ZNF804A: variants seen among roughly 807,000 people sequenced by gnomAD.
ZNF804A encodes zinc finger protein 804A.
In ZNF804A, 2 loss-of-function variants were observed where a neutral mutation model predicts 16.5. The observed-to-expected ratio is 0.12, with a 90% CI of 0.05 to 0.38. The LOEUF (loss-of-function observed/expected upper bound fraction) is 0.38, where lower values mean the gene tolerates loss of function less well. Ranked by LOEUF, ZNF804A falls within the 10% of genes least tolerant of loss-of-function variation. The pLI, the probability that ZNF804A is intolerant of heterozygous loss-of-function variation, is 0.99. For synonymous variants in ZNF804A, 534 were observed against 489.6 expected (o/e 1.09, Z -1.20); for missense variants, 1,473 against 1,390.7 (o/e 1.06, Z -0.94).
chr2:184,651,533 A>G (rs1327730922), intron 1 of ZNF804A, among the ~76,000 whole-genome samples: 20 of 152,122 alleles, frequency 1.3e-4, no homozygotes, highest in Non-Finnish European at 1.5e-5. Context: ...ATATTCACAA[A>G]CTACACATCT....
chr2:184,801,284 A>C (rs1383078574), intron 1 of ZNF804A, among the ~76,000 whole-genome samples: 1 of 151,944 alleles, frequency 6.6e-6, no homozygotes, highest in Non-Finnish European at 1.5e-5. Context: ...AAGTTTTGCT[A>C]TTTATCCTGC....
At chr2:184,865,476 GA>G (rs1245221023) in intron 1 of ZNF804A, among the ~76,000 whole-genome samples, 2 of 152,190 alleles carry the variant, frequency 1.3e-5, no homozygotes, top group East Asian at 1.9e-4. Flanking sequence ...CATGTGGCGA[GA>G]GGGGGCAAGA....
chr2:184,670,825 A>G (rs1242431394), intron 1 of ZNF804A, among the ~76,000 whole-genome samples: 2 of 151,858 alleles, frequency 1.3e-5, no homozygotes, highest in Admixed American at 6.6e-5. Context: ...GGATTTTAGT[A>G]TATTTGTTAT....
intron 2 of ZNF804A, among the ~76,000 whole-genome samples, chr2:184,892,369 T>C (rs1164769391): frequency 6.6e-6 from 1 of 152,032 alleles, no homozygotes; most frequent in Non-Finnish European, 1.5e-5. Context: ...TGTGCATTTT[T>C]TGGGTTGTTG....
At chr2:184,804,717 A>G (rs1694777006) in intron 1 of ZNF804A, among the ~76,000 whole-genome samples, 1 of 152,216 alleles carries the variant, frequency 6.6e-6, no homozygotes, top group Non-Finnish European at 1.5e-5. Context: ...AAAAGCAAAG[A>G]AGGGTGAGTA....
intron 1 of ZNF804A, among the ~76,000 whole-genome samples, chr2:184,782,621 C>T (rs1295461101): frequency 6.7e-6 from 1 of 150,238 alleles, no homozygotes; most frequent in Admixed American, 6.7e-5. Flanking sequence ...ATTGTGGGAC[C>T]TTGTGATTGT....
intron 2 of ZNF804A, among the ~76,000 whole-genome samples, chr2:184,916,221 A>G (rs1345927945): frequency 6.6e-6 from 1 of 152,210 alleles, no homozygotes; most frequent in East Asian, 1.9e-4. Context: ...GTAATAGTGG[A>G]TAATATATTA....
chr2:184,706,042 CT>C (rs1693026004), intron 1 of ZNF804A, among the ~76,000 whole-genome samples: 1 of 152,134 alleles, frequency 6.6e-6, no homozygotes, highest in Non-Finnish European at 1.5e-5. Flanking sequence ...ACACAAACAC[CT>C]TCTTGTTCTC....
chr2:184,863,647 T>C (rs1249392424), intron 1 of ZNF804A, among the ~76,000 whole-genome samples: 1 of 151,998 alleles, frequency 6.6e-6, no homozygotes, highest in African/African-American at 2.4e-5. Flanking sequence ...ATGGGGAAAA[T>C]CAACTAGTTT....
At chr2:184,797,993 T>A (rs1469230859) in intron 1 of ZNF804A, among the ~76,000 whole-genome samples, 2 of 147,718 alleles carry the variant, frequency 1.4e-5, no homozygotes, top group Non-Finnish European at 3.0e-5. Context: ...TATACAAAAT[T>A]CATGGCTGAT....
intron 1 of ZNF804A, among the ~76,000 whole-genome samples, chr2:184,737,954 C>T (rs7581514): frequency 0.81 from 122,194 of 151,738 alleles, 49,367 homozygotes; most frequent in Admixed American, 0.86. Context: ...AGAAACCCTG[C>T]CTCTACTAAA....
chr2:184,937,453 C>T lies in ZNF804A; in HGVS notation c.2057C>T (p.Thr686Ile). The T allele has an allele frequency of 6.2e-7, 1 of 1,607,890 alleles. No homozygotes were observed. The highest frequency in any genetic ancestry group is 1.1e-5 in the South Asian group (1 of 90,540). Residue 686 changes from threonine to isoleucine, a missense_variant, in exon 4 of 4, where the codon ACT becomes ATT. Coordinates refer to ENST00000302277, the MANE Select transcript of ZNF804A (RefSeq NM_194250.2). The stretch of plus-strand genomic sequence containing the variant: ...AATACTGAATACAACACTTATGATA[C>T]TATCAGTTCTAAAAACCACTGTAAA... ...TWNTEYNTYDTISSKNHCKKN... is the reference protein window; with the variant it reads ...TWNTEYNTYDIISSKNHCKKN...
intron 1 of ZNF804A, among the ~76,000 whole-genome samples, chr2:184,687,972 A>T (rs1692665229): frequency 6.6e-6 from 1 of 152,056 alleles, no homozygotes; most frequent in Non-Finnish European, 1.5e-5. Context: ...TACAAAAATT[A>T]GCTGCGTGTG....
At chr2:184,695,444 G>T (rs923527154) in intron 1 of ZNF804A, among the ~76,000 whole-genome samples, 1 of 126,054 alleles carries the variant, frequency 7.9e-6, no homozygotes. Flanking sequence ...CAGCCTGGGC[G>T]ACAGAGCGAG....
At chr2:184,599,542 C>T (rs778436373) in intron 1 of ZNF804A, among the ~76,000 whole-genome samples, 3 of 152,162 alleles carry the variant, frequency 2.0e-5, no homozygotes, top group African/African-American at 7.2e-5. Flanking sequence ...TGTATTCCAG[C>T]TCTTTCCTGA....
At chr2:184,661,799 T>G (rs1692179827) in intron 1 of ZNF804A, among the ~76,000 whole-genome samples, 1 of 152,202 alleles carries the variant, frequency 6.6e-6, no homozygotes, top group Non-Finnish European at 1.5e-5. Context: ...TTAATCTGTC[T>G]CATCACTCTC....
intron 1 of ZNF804A, among the ~76,000 whole-genome samples, chr2:184,735,550 C>A (rs1312866584): frequency 6.6e-6 from 1 of 152,126 alleles, no homozygotes; most frequent in Non-Finnish European, 1.5e-5. Context: ...TGTAACAAAC[C>A]TGCATGTTCT....
intron 2 of ZNF804A, among the ~76,000 whole-genome samples, chr2:184,886,529 A>G (rs11883514): frequency 0.065 from 9,823 of 152,280 alleles, 1,077 homozygotes; most frequent in African/African-American, 0.22. Flanking sequence ...CCCTTTCTGC[A>G]CTGCCCTAGC....
intron 1 of ZNF804A, among the ~76,000 whole-genome samples, chr2:184,817,504 A>G (rs531850140): frequency 3.3e-5 from 5 of 152,140 alleles, no homozygotes; most frequent in African/African-American, 1.2e-4. Context: ...CCTCTCCTCC[A>G]AATGACCACA....
Sources: allele counts gnomAD v4.1 joint callset (sites outside exome capture counted in the v4.1 genomes callset), GRCh38; gene constraint gnomAD v4.1.1; transcripts MANE v1.5; gene names NCBI Gene and HGNC (gene_info 2026-07-23, HGNC 2026-07-21).